The following VARS1 variants were observed in gnomAD, a reference collection of about 807,000 sequenced individuals.
VARS1 encodes valine--tRNA ligase.
In VARS1, 92 loss-of-function variants were observed where a neutral mutation model predicts 161.0. The observed-to-expected ratio is 0.57, with a 90% CI of 0.48 to 0.68. The LOEUF is 0.68. Among genes scored for constraint, VARS1 ranks in the 30% least tolerant of loss-of-function variants. The pLI is 0.00. For synonymous variants in VARS1, 595 were observed against 682.5 expected (o/e 0.87, Z 2.00); for missense variants, 1,338 against 1,695.9 (o/e 0.79, Z 3.71).
In VARS1 at chr6:31,784,601, G is replaced by A. The variant is rs1394349903; in HGVS notation, c.1461C>T (p.Asp487=). 5.0e-6 allele frequency: 8 copies of A among 1,613,310 alleles called. No individual in the cohort carries two copies. The highest frequency in any genetic ancestry group is 5.9e-6 in the Non-Finnish European group (7 of 1,180,036). Residue 487 remains aspartate, a synonymous_variant, in exon 11 of 30, where the codon GAC becomes GAT. Coordinates refer to ENST00000375663, the MANE Select transcript of VARS1 (RefSeq NM_006295.3). This position sits in a 1 kb window ranked among gnomAD's most constrained non-coding sequence, Gnocchi z 6.1. ...WSCTLNSAIS[D]IEVDKKELTG... ...GCCAGGTTGGGGGGCGCACCTCAATGTCAGAGATGGCGGAGTTGAGGGTGC... is the reference window on the plus strand; with the variant it reads ...GCCAGGTTGGGGGGCGCACCTCAATATCAGAGATGGCGGAGTTGAGGGTGC...
chr6:31,783,982 C>T (rs1195304504), intron 13 of VARS1, among the ~76,000 whole-genome samples: 1 of 152,144 alleles, frequency 6.6e-6, no homozygotes, highest in African/African-American at 2.4e-5. Flanking sequence ...TAAAAATGCA[C>T]GAAGGGCTGG....
Position 31,791,659 on chromosome 6 carries a change from G to A in VARS1, c.1051C>T (p.His351Tyr). The A allele has an allele frequency of 6.2e-7, 1 of 1,613,010 alleles. No individual in the cohort carries two copies. Among genetic ancestry groups the A allele is most frequent in the Non-Finnish European group, 8.5e-7 (1 of 1,179,984 alleles). Reference sequence around the variant, plus strand: ...GCGTTGGTGAGTGCATGGCCCAGGTGCAGGGAGCCTGTCACATTGGGGGGT... The same window carrying A: ...GCGTTGGTGAGTGCATGGCCCAGGTACAGGGAGCCTGTCACATTGGGGGGT... Reference protein sequence around the residue: ...IPPPNVTGSLHLGHALTNAIQ... With the variant: ...IPPPNVTGSLYLGHALTNAIQ... Residue 351 changes from histidine to tyrosine, a missense_variant, in exon 8 of 30, where the codon CAC (histidine) becomes TAC (tyrosine). His to Tyr is a moderately conservative substitution (Grantham distance 83, BLOSUM62 2). Transcript: ENST00000375663. This position sits in a 1 kb window ranked among gnomAD's most constrained non-coding sequence, Gnocchi z 5.0.
At position 31,780,946 on chromosome 6, in the gene VARS1, T is replaced by G. The variant is rs1041596790; in HGVS notation, c.2650-8A>C. The G allele has an allele frequency of 6.2e-7, 1 of 1,613,978 alleles. No individual in the cohort carries two copies. On this transcript the variant is annotated splice_region_variant and splice_polypyrimidine_tract_variant and intron_variant, in intron 22 of 29. Coordinates refer to ENST00000375663, the MANE Select transcript of VARS1 (RefSeq NM_006295.3). The surrounding 1 kb of genome is among the most constrained non-coding windows in gnomAD (Gnocchi z 5.1). ...CAGCTGGTTGTGGAGGCCCTGAGGG[T>G]GGAGTGGGAGCAGTCAGGTGGCTGT... is the stretch of plus-strand genomic sequence containing the variant.
chr6:31,778,980 G>T lies in VARS1; in HGVS notation c.3713C>A (p.Ala1238Glu). The T allele has an allele frequency of 6.2e-7, 1 of 1,613,078 alleles. No individual in the cohort carries two copies. The highest frequency in any genetic ancestry group is 2.2e-5 in the East Asian group (1 of 44,890). Residue 1238 changes from alanine to glutamate, a missense_variant, in exon 29 of 30, where the codon GCA becomes GAA. Around this residue, in one of 3 missense-constraint regions of VARS1, gnomAD observed 433 missense variants for 586.2 expected, o/e 0.74. Transcript: ENST00000375663. This position sits in a 1 kb window ranked among gnomAD's most constrained non-coding sequence, Gnocchi z 5.1. ...CAGGCCACACACCTTGGCTTCATCT[G>T]CCTCCTGGACTTCGAGCGGCACCTT... ...PVKVPLEVQE[A>E]DEAKLQQTEA...
rs11751198 is a variant in VARS1, at chr6:31,785,749, G to A, written c.1101-16C>T. ...CATGCGGTGCCTGTTAGGGGGCATG[G>A]AGGACCAGAGGGTGAGCCAGGCCAG... On this transcript the variant is annotated splice_polypyrimidine_tract_variant and intron_variant, in intron 8 of 29. Coordinates refer to ENST00000375663, the MANE Select transcript of VARS1 (RefSeq NM_006295.3). This position sits in a 1 kb window ranked among gnomAD's most constrained non-coding sequence, Gnocchi z 6.1. 81,608 of 1,601,006 alleles carry A rather than the reference G, an allele frequency of 0.051. 3,541 individuals carry two copies. Among genetic ancestry groups the A allele is most frequent in the African/African-American group, 0.18 (13,300 of 74,746 alleles).
Position 31,783,113 on chromosome 6 carries a change from T to C in VARS1, c.1745A>G (p.Asp582Gly), listed in dbSNP as rs1012293555. Reference sequence around the variant, plus strand: ...TTGCCCACCTGTGCCAAAGTCCATGTCCACAAATTCATCGAAGACAATGGG... The same window carrying C: ...TTGCCCACCTGTGCCAAAGTCCATGCCCACAAATTCATCGAAGACAATGGG... ...SLPIVFDEFVDMDFGTGAVKI... is the reference protein window; with the variant it reads ...SLPIVFDEFVGMDFGTGAVKI... Residue 582 changes from aspartate (D) to glycine (G), a missense_variant, in exon 14 of 30, where the codon GAC (aspartate) becomes GGC (glycine). By Grantham distance (94) the Asp-to-Gly change is moderately conservative. Around this residue, in one of 3 missense-constraint regions of VARS1, gnomAD observed 902 missense variants for 1,090.3 expected, o/e 0.83. Transcript: ENST00000375663. The C allele has an allele frequency of 5.6e-6, 9 of 1,612,546 alleles. No individual in the cohort carries two copies. The highest frequency in any genetic ancestry group is 6.8e-6 in the Non-Finnish European group (8 of 1,179,894).
chr6:31,782,012 T>TC lies in VARS1; in HGVS notation c.2242-61dup, dbSNP rs1259954818. The stretch of plus-strand genomic sequence containing the variant: ...GTCTGCTTCTGGCTCACCCTGCCCC[T>TC]CCCCCCACCAAGGACCCAGTAAACC... On this transcript the variant is annotated intron_variant, in intron 18 of 29. Coordinates refer to ENST00000375663, the MANE Select transcript of VARS1 (RefSeq NM_006295.3). This position sits in a 1 kb window ranked among gnomAD's most constrained non-coding sequence, Gnocchi z 8.3. 4 of 1,610,754 alleles carry TC rather than the reference T, an allele frequency of 2.5e-6. No individual in the cohort carries two copies. In the African/African-American group the frequency reaches 5.4e-5, roughly 22 times the overall value.
chr6:31,781,473 C>T lies in VARS1; in HGVS notation c.2544+8G>A. On this transcript the variant is annotated splice_region_variant and intron_variant, in intron 21 of 29. Coordinates refer to ENST00000375663, the MANE Select transcript of VARS1 (RefSeq NM_006295.3). This position sits in a 1 kb window ranked among gnomAD's most constrained non-coding sequence, Gnocchi z 6.8. Reference sequence around the variant, plus strand: ...GGGGCGATGGGAGGGTCTCGGCTGTCTCCGCACCTCTCTAAAGGGCAGCCT... The same window carrying T: ...GGGGCGATGGGAGGGTCTCGGCTGTTTCCGCACCTCTCTAAAGGGCAGCCT... 1 of 1,611,440 alleles carries T rather than the reference C, an allele frequency of 6.2e-7. No homozygotes were observed. The highest frequency in any genetic ancestry group is 8.5e-7 in the Non-Finnish European group (1 of 1,179,674).
rs187921621 is a variant in VARS1 at position 31,787,681 on chromosome 6, T to G, written c.1101-1948A>C. ...AAAAAGTAGTCATTCTGTTTTCATGTAAACAAACTTGGAGGCCAGGTATGG... is the reference window on the plus strand; with the variant it reads ...AAAAAGTAGTCATTCTGTTTTCATGGAAACAAACTTGGAGGCCAGGTATGG... On this transcript the variant is annotated intron_variant, in intron 8 of 29. Coordinates refer to ENST00000375663, the MANE Select transcript of VARS1 (RefSeq NM_006295.3). Among the ~76,000 whole-genome samples the G allele has an allele frequency of 2.9e-4, 44 of 150,814 alleles. 1 individual carries two copies. Among genetic ancestry groups the G allele is most frequent in the South Asian group, 2.5e-3 (12 of 4,758 alleles).
In VARS1 at chr6:31,782,169, C is replaced by T. The variant is rs373316690; in HGVS notation, c.2159G>A (p.Cys720Tyr). The change falls in exon 18 of 30, where the codon TGC (cysteine) becomes TAC (tyrosine). Residue 720 changes from cysteine (C) to tyrosine (Y), a missense_variant. Physicochemically the swap from Cys to Tyr is radical, Grantham distance 194 (BLOSUM62 -2). Coordinates refer to ENST00000375663, the MANE Select transcript of VARS1 (RefSeq NM_006295.3). This position sits in a 1 kb window ranked among gnomAD's most constrained non-coding sequence, Gnocchi z 8.3. ...GCCCCACCACAGCTGCCTGGAAATG[C>T]ACCACTCCCTGCAAATGTCGGGGAG... ...HAWMDNIREW[C>Y]ISRQLWWGHR... 5 of 1,613,704 alleles carry T rather than the reference C, an allele frequency of 3.1e-6. No homozygotes were observed. The African/African-American group carries it at 6.7e-5, about 22-fold the overall frequency.
At position 31,777,578 on chromosome 6, in the gene VARS1, G is replaced by A. The variant is rs773664796; in HGVS notation, c.*16C>T. 2 of 1,614,108 alleles carry A rather than the reference G, an allele frequency of 1.2e-6. No homozygotes were observed. Among genetic ancestry groups the A allele is most frequent in the Non-Finnish European group, 1.7e-6 (2 of 1,179,988 alleles). On this transcript the variant is annotated 3_prime_UTR_variant, in exon 30 of 30. Coordinates refer to ENST00000375663, the MANE Select transcript of VARS1 (RefSeq NM_006295.3). This position sits in a 1 kb window ranked among gnomAD's most constrained non-coding sequence, Gnocchi z 5.8. ...TGGTGAGCCGCTGGGGGTGAGGGGTGAAGCTGGGTGGTGGATCACAGCATC... is the reference window on the plus strand; with the variant it reads ...TGGTGAGCCGCTGGGGGTGAGGGGTAAAGCTGGGTGGTGGATCACAGCATC...
intron 8 of VARS1, among the ~76,000 whole-genome samples, chr6:31,786,456 C>G (rs983411405): frequency 5.9e-5 from 9 of 151,898 alleles, no homozygotes; most frequent in Non-Finnish European, 1.3e-4. Context: ...CACTTGAGGA[C>G]AGGAGTTCGA....
At position 31,795,069 on chromosome 6, in the gene VARS1, G is replaced by C; in HGVS notation, c.149C>G (p.Thr50Ser). 6.6e-7 allele frequency: 1 copy of C among 1,515,398 alleles called. No homozygotes were observed. Among genetic ancestry groups the C allele is most frequent in the South Asian group, 1.2e-5 (1 of 81,200 alleles). The allele number at this position is 1,515,398 out of a possible 1,614,324, so 93.9% of individuals were successfully genotyped here. A position where few individuals can be genotyped will look rare whatever the true frequency, so the allele number is the denominator to read the frequency against. The change falls in exon 2 of 30, where the codon ACT becomes AGT. Residue 50 changes from threonine (T) to serine (S), a missense_variant. Transcript: ENST00000375663. The surrounding 1 kb of genome is among the most constrained non-coding windows in gnomAD (Gnocchi z 6.9). ...CGGCAGGCGGGGTGGGGGAAAGGGAGTCCTGCTAGTCGGGGGTGGCTGGAG... is the reference window on the plus strand; with the variant it reads ...CGGCAGGCGGGGTGGGGGAAAGGGACTCCTGCTAGTCGGGGGTGGCTGGAG... ...ICLQPPPTSR[T>S]PFPPPRLPAL...
chr6:31,780,413 C>G lies in VARS1; in HGVS notation c.2925+28G>C, dbSNP rs112103383. 6.2e-7 allele frequency: 1 copy of G among 1,603,888 alleles called. No individual in the cohort carries two copies. The highest frequency in any genetic ancestry group is 1.3e-5 in the African/African-American group (1 of 74,968). On this transcript the variant is annotated intron_variant, in intron 25 of 29. Coordinates refer to ENST00000375663, the MANE Select transcript of VARS1 (RefSeq NM_006295.3). The surrounding 1 kb of genome is among the most constrained non-coding windows in gnomAD (Gnocchi z 5.1). ...AGGGGTACAGCCTGTGTGAGTGCTGCCAGCTTTGCTGCCCACCAGGCCCTT... is the reference window on the plus strand; with the variant it reads ...AGGGGTACAGCCTGTGTGAGTGCTGGCAGCTTTGCTGCCCACCAGGCCCTT...
Position 31,779,441 on chromosome 6 carries a change from G to C in VARS1, c.3384C>G (p.Thr1128=). ...GAGGCTCACAGTCAGGCCGGATCCG[G>C]GTGAGGTTGTAGTCGGCCCGCAGGG... ...VRSLRADYNL[T]RIRPDCFLEV... Residue 1128 remains threonine, a synonymous_variant, in exon 28 of 30, where the codon ACC becomes ACG. Coordinates refer to ENST00000375663, the MANE Select transcript of VARS1 (RefSeq NM_006295.3). This position sits in a 1 kb window ranked among gnomAD's most constrained non-coding sequence, Gnocchi z 9.1. 6.2e-7 allele frequency: 1 copy of C among 1,612,278 alleles called. No homozygotes were observed. The highest frequency in any genetic ancestry group is 8.5e-7 in the Non-Finnish European group (1 of 1,179,998).
chr6:31,792,621 G>A, intron 4 of VARS1, 105 bp from the exon 5 acceptor site: 1 of 1,594,604 alleles, frequency 6.3e-7, no homozygotes, highest in Non-Finnish European at 8.5e-7. Context: ...TCTTGCCCAT[G>A]CTGACCTCCC....
In VARS1 at chr6:31,781,688, C is replaced by T. The variant is rs1271642163; in HGVS notation, c.2418+3G>A. ...CCGCCAAGCCCCGGCCCCAGGAACACACCTGGTTGGGCCAGCCCAAAATGG... is the reference window on the plus strand; with the variant it reads ...CCGCCAAGCCCCGGCCCCAGGAACATACCTGGTTGGGCCAGCCCAAAATGG... On this transcript the variant is annotated splice_donor_region_variant and intron_variant, in intron 20 of 29. Transcript: ENST00000375663. This position sits in a 1 kb window ranked among gnomAD's most constrained non-coding sequence, Gnocchi z 6.8. The T allele has an allele frequency of 1.9e-6, 3 of 1,613,006 alleles. No individual in the cohort carries two copies. Among genetic ancestry groups the T allele is most frequent in the South Asian group, 1.1e-5 (1 of 91,084 alleles).
chr6:31,779,716 G>C lies in VARS1; in HGVS notation c.3180C>G (p.Leu1060=). The change falls in exon 27 of 30, where the codon CTC becomes CTG. Residue 1060 remains leucine, a synonymous_variant. Coordinates refer to ENST00000375663, the MANE Select transcript of VARS1 (RefSeq NM_006295.3). This position sits in a 1 kb window ranked among gnomAD's most constrained non-coding sequence, Gnocchi z 9.1. ...YTCLDVGLRL[L]SPFMPFVTEE... is the part of the protein sequence containing the mutation. Reference sequence around the variant, plus strand: ...CCGTCACGAAGGGCATGAAGGGTGAGAGCAGCCGCAGGCCAACGTCCAGGC... The same window carrying C: ...CCGTCACGAAGGGCATGAAGGGTGACAGCAGCCGCAGGCCAACGTCCAGGC... 6.2e-7 allele frequency: 1 copy of C among 1,613,000 alleles called. No individual in the cohort carries two copies. Among genetic ancestry groups the C allele is most frequent in the Non-Finnish European group, 8.5e-7 (1 of 1,180,010 alleles).
chr6:31,794,952 C>A lies in VARS1; in HGVS notation c.266G>T (p.Gly89Val). The A allele has an allele frequency of 6.2e-7, 1 of 1,612,546 alleles. No individual in the cohort carries two copies. The highest frequency in any genetic ancestry group is 8.5e-7 in the Non-Finnish European group (1 of 1,179,822). ...TTGGACAAGGACAGCCGCCCGGCTGCCCCCTGGGCCCCCCAGGCCTGCTGG... is the reference window on the plus strand; with the variant it reads ...TTGGACAAGGACAGCCGCCCGGCTGACCCCTGGGCCCCCCAGGCCTGCTGG... ...LWPAGLGGPG[G>V]SRAAVLVQQW... The change falls in exon 2 of 30, where the codon GGC becomes GTC. Residue 89 changes from glycine to valine, a missense_variant. Gly to Val is a moderately radical substitution (Grantham distance 109). Around this residue, in one of 3 missense-constraint regions of VARS1, gnomAD observed 902 missense variants for 1,090.3 expected, o/e 0.83. Coordinates refer to ENST00000375663, the MANE Select transcript of VARS1 (RefSeq NM_006295.3).
Sources: gnomAD v4.1 joint callset for allele counts (sites outside exome capture counted in the v4.1 genomes callset) on GRCh38, gnomAD v4.1.1 for gene constraint, gnomAD v4.1.1 regional missense constraint, Gnocchi (gnomAD v3.1) non-coding constraint, MANE v1.5 for transcripts, NCBI Gene and HGNC (gene_info 2026-07-23, HGNC 2026-07-21) for gene names.